The following FRMD4B variants were observed in gnomAD, a reference collection of about 807,000 sequenced individuals.
FRMD4B encodes the protein FERM domain containing 4B, also known as FERM domain-containing protein 4B.
FRMD4B carries 74 observed loss-of-function variants against 141.5 expected under a neutral mutation model. The observed-to-expected ratio is 0.52, with a 90% CI of 0.43 to 0.63. The LOEUF (loss-of-function observed/expected upper bound fraction) is 0.63. Among genes scored for constraint, FRMD4B ranks in the 30% least tolerant of loss-of-function variants. FRMD4B has a pLI of 0.00. For missense variants in FRMD4B, 1,366 were observed against 1,253.4 expected, an observed-to-expected ratio of 1.09 and a Z score of -1.36; for synonymous variants, 506 against 467.9, an observed-to-expected ratio of 1.08 and a Z score of -1.05.
intron 1 of FRMD4B, among the ~76,000 whole-genome samples, chr3:69,526,668 C>T (rs531405120): frequency 1.3e-5 from 2 of 152,306 alleles, no homozygotes; most frequent in South Asian, 4.1e-4. Flanking sequence ...ACCTACCTTG[C>T]AGGACTGGAC....
At chr3:69,197,847 T>C (rs1231217282) in intron 12 of FRMD4B, 1 of 152,228 alleles carries the variant, frequency 6.6e-6, no homozygotes, top group East Asian at 1.9e-4. Flanking sequence ...TGATTAAGAA[T>C]TTCTCTTAAG....
intron 1 of FRMD4B, among the ~76,000 whole-genome samples, chr3:69,343,494 C>A (rs912431117): frequency 2.0e-5 from 3 of 151,916 alleles, no homozygotes; most frequent in Non-Finnish European, 2.9e-5. Context: ...CCTGGATATA[C>A]CCCTGTCAAT....
intron 10 of FRMD4B, among the ~76,000 whole-genome samples, chr3:69,216,771 G>C (rs1401347580): frequency 2.6e-5 from 4 of 152,036 alleles, no homozygotes; most frequent in Non-Finnish European, 5.9e-5. Context: ...AAATAAAGCT[G>C]TCTTGATAAA....
intron 1 of FRMD4B, among the ~76,000 whole-genome samples, chr3:69,354,929 A>G (rs1011980762): frequency 1.3e-5 from 2 of 152,200 alleles, no homozygotes; most frequent in African/African-American, 4.8e-5. Context: ...ATTATTTGTG[A>G]GCACGTGACC....
chr3:69,219,541 G>C (rs112129325), intron 9 of FRMD4B, among the ~76,000 whole-genome samples: 1 of 151,732 alleles, frequency 6.6e-6, no homozygotes, highest in South Asian at 2.1e-4. Flanking sequence ...AAATGAAACC[G>C]TCTCTTAGAT....
chr3:69,454,351 T>C (rs887286720), intron 1 of FRMD4B, among the ~76,000 whole-genome samples: 7 of 152,236 alleles, frequency 4.6e-5, no homozygotes, highest in African/African-American at 1.4e-4. Flanking sequence ...TGAGGAGCAC[T>C]TCAGCCAGCT....
At chr3:69,480,224 A>G (rs1386903219) in intron 1 of FRMD4B, among the ~76,000 whole-genome samples, 784 of 136,934 alleles carry the variant, frequency 5.7e-3, no homozygotes, top group African/African-American at 8.0e-3. Flanking sequence ...GTCATTCTCC[A>G]TCCAGCTTTG....
chr3:69,455,357 C>T (rs1462112995), intron 1 of FRMD4B, among the ~76,000 whole-genome samples: 1 of 152,208 alleles, frequency 6.6e-6, no homozygotes, highest in East Asian at 1.9e-4. Flanking sequence ...TTATTTGGGT[C>T]TGCACTGCCT....
rs144643397 is a variant in FRMD4B at position 69,374,030 on chromosome 3, C to T, written c.162+11798G>A. ...AAGATAAAATGAGGCACCAAGAAGT[C>T]AAGTAACTTGTCCATGTCACACACC... On this transcript the variant is annotated intron_variant, in intron 1 of 22. Coordinates refer to ENST00000398540, the MANE Select transcript of FRMD4B (RefSeq NM_015123.3). Among the ~76,000 whole-genome samples, 485 of 152,296 alleles carry T rather than the reference C, an allele frequency of 3.2e-3. 5 individuals are homozygous for T. The highest frequency in any genetic ancestry group is 6.8e-3 in the Middle Eastern group (2 of 294).
At position 69,170,268 on chromosome 3, in the gene FRMD4B, C is replaced by T. The variant is rs1292247684; in HGVS notation, c.*1593G>A. On this transcript the variant is annotated 3_prime_UTR_variant, in exon 23 of 23. Transcript: ENST00000398540. Reference sequence around the variant, plus strand: ...AAATGGAAGAAAACGTAAACATTTTCAGTAGCACACCTTTTGTTTATTGAC... The same window carrying T: ...AAATGGAAGAAAACGTAAACATTTTTAGTAGCACACCTTTTGTTTATTGAC... The T allele has an allele frequency of 6.6e-6, 1 of 152,138 alleles. No individual in the cohort carries two copies. The highest frequency in any genetic ancestry group is 1.5e-5 in the Non-Finnish European group (1 of 68,016). The allele number at this position is 152,138 out of a possible 1,614,324, so 9.4% of individuals were successfully genotyped here. A position where few individuals can be genotyped will look rare whatever the true frequency, so the allele number is the denominator to read the frequency against.
intron 5 of FRMD4B, among the ~76,000 whole-genome samples, chr3:69,253,181 CTATTTTTT>C (rs1436113892): frequency 8.2e-6 from 1 of 121,952 alleles, no homozygotes; most frequent in Non-Finnish European, 1.7e-5. Context: ...AATATGATTC[CTATTTTTT>C]TTTTTTTTTT....
chr3:69,521,929 C>T (rs898393886), intron 1 of FRMD4B, among the ~76,000 whole-genome samples: 2 of 152,204 alleles, frequency 1.3e-5, no homozygotes, highest in Non-Finnish European at 2.9e-5. Flanking sequence ...TTATGGTCCT[C>T]ATGGTCACAC....
At chr3:69,414,062 T>G (rs1227305894) in intron 2 of FRMD4B, among the ~76,000 whole-genome samples, 1 of 152,158 alleles carries the variant, frequency 6.6e-6, no homozygotes, top group Non-Finnish European at 1.5e-5. Context: ...GGCATGTTCC[T>G]CAAAACACAT....
chr3:69,487,929 A>G (rs1292037772), intron 1 of FRMD4B, among the ~76,000 whole-genome samples: 1 of 152,218 alleles, frequency 6.6e-6, no homozygotes, highest in Non-Finnish European at 1.5e-5. Flanking sequence ...ATAAAAATGC[A>G]TTCTATTTTA....
intron 1 of FRMD4B, among the ~76,000 whole-genome samples, chr3:69,340,639 G>T (rs1013291751): frequency 1.2e-4 from 19 of 152,150 alleles, no homozygotes; most frequent in African/African-American, 4.6e-4. Flanking sequence ...TTGATACCTG[G>T]TTTCCTGATC....
chr3:69,501,970 A>T (rs1706504981), intron 1 of FRMD4B, among the ~76,000 whole-genome samples: 1 of 152,202 alleles, frequency 6.6e-6, no homozygotes, highest in Admixed American at 6.5e-5. Flanking sequence ...AATCCAACTT[A>T]CAAGGGATAT....
intron 11 of FRMD4B, among the ~76,000 whole-genome samples, chr3:69,205,792 G>A (rs1205217524): frequency 6.6e-6 from 1 of 152,200 alleles, no homozygotes; most frequent in Non-Finnish European, 1.5e-5. Flanking sequence ...ATAATATTTG[G>A]TGATATAACT....
At chr3:69,438,272 CTT>C (rs1178682524) in intron 1 of FRMD4B, among the ~76,000 whole-genome samples, 2 of 151,618 alleles carry the variant, frequency 1.3e-5, no homozygotes, top group Non-Finnish European at 2.9e-5. Flanking sequence ...ACCTGGGTAA[CTT>C]TTAATTTTTT....
intron 5 of FRMD4B, among the ~76,000 whole-genome samples, chr3:69,259,117 G>A (rs1003607380): frequency 3.9e-5 from 6 of 152,132 alleles, no homozygotes; most frequent in African/African-American, 9.7e-5. Context: ...TTGTTTTCCC[G>A]TAACTAGACC....
Sources: allele counts gnomAD v4.1 joint callset (sites outside exome capture counted in the v4.1 genomes callset), GRCh38; gene constraint gnomAD v4.1.1; transcripts MANE v1.5; gene names NCBI Gene and HGNC (gene_info 2026-07-23, HGNC 2026-07-21).